The following GNAI1 variants were observed in gnomAD, a reference collection of about 807,000 sequenced individuals.
GNAI1 encodes the protein G protein subunit alpha i1.
A neutral mutation model predicts 38.9 loss-of-function variants in GNAI1; 11 were observed. The ratio of observed to expected loss-of-function variants is 0.28; its 90% CI spans 0.18 to 0.47. The LOEUF is 0.47. Ranked by LOEUF, GNAI1 falls within the 20% of genes least tolerant of loss-of-function variation. The pLI, the probability that GNAI1 is intolerant of heterozygous loss-of-function variation, is 0.99. For synonymous variants in GNAI1, 166 were observed against 145.1 expected (o/e 1.14, Z -1.04); for missense variants, 317 against 436.9 (o/e 0.73, Z 2.45).
At chr7:80,189,585 A>G (rs540117235) in intron 3 of GNAI1, among the ~76,000 whole-genome samples, 84 of 152,252 alleles carry the variant, frequency 5.5e-4, no homozygotes, top group African/African-American at 1.9e-3. Context: ...CTGTTTCTGC[A>G]ATTTGGAATA....
chr7:80,140,123 A>G (rs947586510), intron 1 of GNAI1, among the ~76,000 whole-genome samples: 4 of 152,098 alleles, frequency 2.6e-5, no homozygotes, highest in East Asian at 1.9e-4. Context: ...AGCTGGGACT[A>G]CAGGTGCCTG....
At chr7:80,148,509 GA>G (rs1221998514) in intron 1 of GNAI1, among the ~76,000 whole-genome samples, 2 of 139,912 alleles carry the variant, frequency 1.4e-5, no homozygotes, top group Non-Finnish European at 3.1e-5. Flanking sequence ...GTCCATCAGT[GA>G]AAAAAATGTT....
chr7:80,189,010 A>T lies in GNAI1; in HGVS notation c.161+17A>T. On this transcript the variant is annotated intron_variant, in intron 2 of 7. Coordinates refer to ENST00000649796, the MANE Select transcript of GNAI1 (RefSeq NM_002069.6). ...GCAGATGAAGTAAGTAGATTTAAAC[A>T]CCAAATTTGCTGTTTAAGTTAGTGT... The T allele has an allele frequency of 3.1e-6, 5 of 1,606,250 alleles. No individual in the cohort carries two copies. Among genetic ancestry groups the T allele is most frequent in the Non-Finnish European group, 4.3e-6 (5 of 1,173,326 alleles).
intron 1 of GNAI1, among the ~76,000 whole-genome samples, chr7:80,148,669 T>C (rs1387464459): frequency 6.6e-6 from 1 of 152,132 alleles, no homozygotes; most frequent in Non-Finnish European, 1.5e-5. Flanking sequence ...AGAAATAAGT[T>C]GAGAACCAAA....
At chr7:80,149,307 C>T (rs549324638) in intron 1 of GNAI1, among the ~76,000 whole-genome samples, 1 of 152,230 alleles carries the variant, frequency 6.6e-6, no homozygotes, top group Non-Finnish European at 1.5e-5. Context: ...ATGTACTATG[C>T]TGGAACTGTC....
intron 1 of GNAI1, among the ~76,000 whole-genome samples, chr7:80,155,144 A>G (rs552679078): frequency 3.3e-5 from 5 of 152,314 alleles, no homozygotes; most frequent in African/African-American, 1.2e-4. Flanking sequence ...ATGTGGGATT[A>G]TGCAATTTTT....
At chr7:80,160,253 A>T (rs752150738) in intron 1 of GNAI1, among the ~76,000 whole-genome samples, 4 of 152,064 alleles carry the variant, frequency 2.6e-5, no homozygotes, top group Non-Finnish European at 4.4e-5. Flanking sequence ...TAACAAAAAC[A>T]AAACAAAACA....
intron 7 of GNAI1, among the ~76,000 whole-genome samples, chr7:80,214,952 A>G (rs1404044661): frequency 6.6e-6 from 1 of 152,034 alleles, no homozygotes; most frequent in Admixed American, 6.6e-5. Context: ...TTGAACATAC[A>G]TGTTTTGTTG....
intron 6 of GNAI1, among the ~76,000 whole-genome samples, chr7:80,212,010 T>A (rs1788884330): frequency 6.6e-6 from 1 of 152,156 alleles, no homozygotes; most frequent in Admixed American, 6.6e-5. Flanking sequence ...TTCCTATGTG[T>A]GGGTTCCACA....
At chr7:80,142,263 C>A (rs1005026146) in intron 1 of GNAI1, among the ~76,000 whole-genome samples, 2 of 152,162 alleles carry the variant, frequency 1.3e-5, no homozygotes, top group African/African-American at 4.8e-5. Context: ...TTTGAAAGTG[C>A]AAAATAATTG....
At position 80,212,641 on chromosome 7, in the gene GNAI1, A is replaced by G; in HGVS notation, c.721-75A>G. The G allele has an allele frequency of 3.6e-6, 3 of 832,764 alleles. No individual in the cohort carries two copies. In the South Asian group the frequency reaches 7.6e-5, roughly 21 times the overall value. The allele number at this position is 832,764 out of a possible 1,614,324, so 51.6% of individuals were successfully genotyped here. ...TCACTAAACTCTGTTTTATTACAAC[A>G]CCTTTTATTTTTTAAAATAGTCCTC... is the stretch of plus-strand genomic sequence containing the variant. On this transcript the variant is annotated intron_variant, in intron 6 of 7. Transcript: ENST00000649796.
At chr7:80,163,132 G>A (rs1272269872) in intron 1 of GNAI1, among the ~76,000 whole-genome samples, 3 of 152,110 alleles carry the variant, frequency 2.0e-5, no homozygotes, top group African/African-American at 7.2e-5. Context: ...TCCTCTGGCA[G>A]TATATGTGTC....
intron 3 of GNAI1, among the ~76,000 whole-genome samples, chr7:80,194,212 G>A (rs1239964526): frequency 6.6e-6 from 1 of 152,074 alleles, no homozygotes; most frequent in Non-Finnish European, 1.5e-5. Flanking sequence ...TCATGTATCA[G>A]TTTAATTTGA....
chr7:80,154,649 T>C (rs1208012244), intron 1 of GNAI1, among the ~76,000 whole-genome samples: 1 of 152,222 alleles, frequency 6.6e-6, no homozygotes, highest in Non-Finnish European at 1.5e-5. Context: ...ACAAATAACA[T>C]GTTAAACTTC....
Position 80,135,172 on chromosome 7 carries a change from G to A in GNAI1, c.12G>A (p.Thr4=). ...TCGCTTTCGGCACCATGGGCTGCAC[G>A]CTGAGCGCCGAGGACAAGGCGGCGG... MGC[T]LSAEDKAAVE... is the part of the protein sequence containing the mutation. The change falls in exon 1 of 8, where the codon ACG becomes ACA. Residue 4 remains threonine (T), a synonymous_variant. Coordinates refer to ENST00000649796, the MANE Select transcript of GNAI1 (RefSeq NM_002069.6). 2 of 1,536,298 alleles carry A rather than the reference G, an allele frequency of 1.3e-6. No homozygotes were observed. The highest frequency in any genetic ancestry group is 1.4e-5 in the African/African-American group (1 of 70,192).
chr7:80,172,617 G>C (rs1371910880), intron 1 of GNAI1, among the ~76,000 whole-genome samples: 1 of 151,884 alleles, frequency 6.6e-6, no homozygotes, highest in Non-Finnish European at 1.5e-5. Context: ...TCCAGTTTCT[G>C]TTTCTTTCAA....
chr7:80,174,290 T>C (rs1213017517), intron 1 of GNAI1, among the ~76,000 whole-genome samples: 1 of 152,152 alleles, frequency 6.6e-6, no homozygotes, highest in East Asian at 1.9e-4. Flanking sequence ...TCAGAGATCA[T>C]TGTTCTGAGT....
At chr7:80,149,996 C>T (rs1420045284) in intron 1 of GNAI1, among the ~76,000 whole-genome samples, 1 of 152,090 alleles carries the variant, frequency 6.6e-6, no homozygotes, top group African/African-American at 2.4e-5. Flanking sequence ...ATCTATATAC[C>T]ACCTGTTTTC....
intron 1 of GNAI1, among the ~76,000 whole-genome samples, chr7:80,140,350 A>G (rs1255598296): frequency 3.9e-5 from 6 of 152,212 alleles, no homozygotes; most frequent in Admixed American, 1.3e-4. Context: ...AAACATGCCT[A>G]TCTTACAGAA....
Sources: gnomAD v4.1 joint callset for allele counts (sites outside exome capture counted in the v4.1 genomes callset) on GRCh38, gnomAD v4.1.1 for gene constraint, MANE v1.5 for transcripts, NCBI Gene and HGNC (gene_info 2026-07-23, HGNC 2026-07-21) for gene names.